STK4: variants seen among roughly 807,000 people sequenced by gnomAD.
STK4 encodes the protein serine/threonine-protein kinase 4.
Under a neutral mutation model 64.9 loss-of-function variants are expected in STK4, and 30 were observed. The observed-to-expected ratio is 0.46, with a 90% CI of 0.35 to 0.63. The LOEUF (loss-of-function observed/expected upper bound fraction) is 0.63. STK4 is among the 20% of genes least tolerant of loss of function. The pLI is 0.01. For missense variants in STK4, 466 were observed against 598.5 expected, an observed-to-expected ratio of 0.78 and a Z score of 2.31; for synonymous variants, 177 against 199.0, an observed-to-expected ratio of 0.89 and a Z score of 0.93.
intron 5 of STK4, among the ~76,000 whole-genome samples, chr20:44,992,863 T>G (rs774485401): frequency 6.6e-6 from 1 of 151,882 alleles, no homozygotes; most frequent in South Asian, 2.1e-4. Context: ...CCCGGCTAAT[T>G]TTTTGTACTT....
At chr20:45,063,385 T>C (rs6073620) in intron 10 of STK4, among the ~76,000 whole-genome samples, 79,276 of 151,930 alleles carry the variant, frequency 0.52, 21,840 homozygotes, top group African/African-American at 0.68. Flanking sequence ...ACATGTACAT[T>C]TTCTTTTGAA....
At chr20:45,025,523 A>G (rs2068329161) in intron 10 of STK4, among the ~76,000 whole-genome samples, 2 of 152,112 alleles carry the variant, frequency 1.3e-5, no homozygotes, top group African/African-American at 4.8e-5. Context: ...TATTCTCCTA[A>G]TTTTAACCCT....
rs147246029 is a variant in STK4 at position 45,062,173 on chromosome 20, C to G, written c.1306-12845C>G. 7.9e-5 allele frequency among the ~76,000 whole-genome samples: 12 copies of G among 152,238 alleles called. No homozygotes were observed. In the East Asian group the frequency reaches 2.1e-3, roughly 27 times the overall value. On this transcript the variant is annotated intron_variant, in intron 10 of 10. Transcript: ENST00000372806. Reference sequence around the variant, plus strand: ...GGGATTACAGGTGTGAGCCACCGTGCCTGGCCTCAGTATTTGTTTTTCTGT... The same window carrying G: ...GGGATTACAGGTGTGAGCCACCGTGGCTGGCCTCAGTATTTGTTTTTCTGT...
chr20:45,069,439 C>A (rs550964672), intron 10 of STK4, among the ~76,000 whole-genome samples: 1 of 152,186 alleles, frequency 6.6e-6, no homozygotes, highest in African/African-American at 2.4e-5. Flanking sequence ...TTTCTTATAA[C>A]AGAAGTTCTT....
intron 10 of STK4, among the ~76,000 whole-genome samples, chr20:45,069,481 G>A (rs1979873286): frequency 6.6e-6 from 1 of 152,198 alleles, no homozygotes; most frequent in South Asian, 2.1e-4. Flanking sequence ...AAATGGACAT[G>A]CCTTTAGAGA....
chr20:44,988,950 A>G (rs903024903), intron 5 of STK4, among the ~76,000 whole-genome samples: 1 of 152,160 alleles, frequency 6.6e-6, no homozygotes, highest in Non-Finnish European at 1.5e-5. Context: ...TCCATGTTGT[A>G]ACATGCATCA....
intron 5 of STK4, among the ~76,000 whole-genome samples, chr20:44,987,995 A>G (rs983549955): frequency 2.7e-5 from 4 of 149,686 alleles, no homozygotes; most frequent in South Asian, 2.1e-4. Context: ...TTTTTTTATT[A>G]TAAGTCTGCC....
chr20:45,034,931 A>G (rs1446056389), intron 10 of STK4, among the ~76,000 whole-genome samples: 1 of 152,054 alleles, frequency 6.6e-6, no homozygotes, highest in Non-Finnish European at 1.5e-5. Flanking sequence ...AACAACAACA[A>G]CAACAAAAGA....
chr20:44,995,138 G>T lies in STK4; in HGVS notation c.574G>T (p.Ala192Ser). 1 of 1,613,548 alleles carries T rather than the reference G, an allele frequency of 6.2e-7. No individual in the cohort carries two copies. The highest frequency in any genetic ancestry group is 8.5e-7 in the Non-Finnish European group (1 of 1,179,782). The change falls in exon 6 of 11, where the codon GCT (alanine) becomes TCT (serine). Residue 192 changes from alanine to serine, a missense_variant. Transcript: ENST00000372806. ...NTVIGTPFWM[A>S]PEVIQEIGYN... ...AGTGATAGGAACACCATTTTGGATG[G>T]CTCCAGAAGTGATTCAGGAAATTGG...
At chr20:45,019,400 T>C (rs1600484464) in intron 9 of STK4, among the ~76,000 whole-genome samples, 3 of 152,246 alleles carry the variant, frequency 2.0e-5, no homozygotes, top group Admixed American at 6.5e-5. Flanking sequence ...TGAATAATAT[T>C]CCACTGTATG....
At chr20:44,972,209 GC>G in intron 2 of STK4, 51 bp downstream of exon 2, 1 of 1,509,386 alleles carries the variant, frequency 6.6e-7, no homozygotes, top group Non-Finnish European at 9.1e-7. Context: ...TCTTTTTCCT[GC>G]CCCAGAAGAA....
chr20:45,057,561 T>C (rs2145451344), intron 10 of STK4, among the ~76,000 whole-genome samples: 1 of 152,288 alleles, frequency 6.6e-6, no homozygotes, highest in Middle Eastern at 3.4e-3. Context: ...CATGATATTG[T>C]CCCTATTCTC....
chr20:45,018,809 C>T (rs1419685731), intron 9 of STK4, among the ~76,000 whole-genome samples: 1 of 150,906 alleles, frequency 6.6e-6, no homozygotes, highest in East Asian at 1.9e-4. Context: ...TAGCTTACTG[C>T]AGTCTTGAAC....
At chr20:44,976,710 A>G (rs184298884) in intron 2 of STK4, among the ~76,000 whole-genome samples, 21 of 152,356 alleles carry the variant, frequency 1.4e-4, no homozygotes, top group African/African-American at 4.8e-4. Flanking sequence ...GGAAGTAACA[A>G]TACCCAACAA....
At chr20:45,032,607 C>A (rs1163635222) in intron 10 of STK4, among the ~76,000 whole-genome samples, 1 of 152,140 alleles carries the variant, frequency 6.6e-6, no homozygotes, top group Non-Finnish European at 1.5e-5. Flanking sequence ...TGATCTTGCT[C>A]GTTTCTGTGG....
At chr20:45,072,194 C>A (rs1052306176) in intron 10 of STK4, among the ~76,000 whole-genome samples, 1 of 152,160 alleles carries the variant, frequency 6.6e-6, no homozygotes, top group African/African-American at 2.4e-5. Flanking sequence ...ATAGGTCATA[C>A]ACTGAGAAAC....
chr20:44,996,306 C>T (rs1235094710), intron 6 of STK4, among the ~76,000 whole-genome samples: 1 of 152,102 alleles, frequency 6.6e-6, no homozygotes, highest in East Asian at 1.9e-4. Context: ...TCCCAGAACC[C>T]TTCATCACAG....
chr20:44,981,673 C>T (rs190185352), intron 3 of STK4, among the ~76,000 whole-genome samples, 156 bp from the exon 4 acceptor site: 9 of 152,244 alleles, frequency 5.9e-5, no homozygotes, highest in Admixed American at 5.9e-4. Flanking sequence ...AAAAGCTATA[C>T]CATTTTGCAT....
chr20:45,018,763 G>A (rs1256339794), intron 9 of STK4, among the ~76,000 whole-genome samples: 3 of 146,216 alleles, frequency 2.1e-5, no homozygotes, highest in Non-Finnish European at 4.5e-5. Flanking sequence ...CAGGATCTTG[G>A]TCTGTTGCCC....
Sources: allele counts gnomAD v4.1 joint callset (sites outside exome capture counted in the v4.1 genomes callset), GRCh38; gene constraint gnomAD v4.1.1; transcripts MANE v1.5; gene names NCBI Gene and HGNC (gene_info 2026-07-23, HGNC 2026-07-21).